Variants in TRANK1 observed in about 807,000 individuals in gnomAD.
The protein encoded by TRANK1 is tetratricopeptide repeat and ankyrin repeat containing 1.
In TRANK1, 198 loss-of-function variants were observed where a neutral mutation model predicts 266.0. That is an observed-to-expected ratio of 0.74 (90% CI 0.66 to 0.84). TRANK1 has a LOEUF of 0.84. Ranked by LOEUF, TRANK1 falls within the 40% of genes least tolerant of loss-of-function variation. The probability of loss-of-function intolerance (pLI) is 0.00; values close to 1 mark genes in which losing one functional copy is unlikely to be tolerated. For synonymous variants in TRANK1, 1,396 were observed against 1,384.1 expected, an observed-to-expected ratio of 1.01 and a Z score of -0.19; for missense variants, 3,326 against 3,634.6, an observed-to-expected ratio of 0.92 and a Z score of 2.18.
intron 4 of TRANK1, among the ~76,000 whole-genome samples, chr3:36,896,643 G>C (rs562818142): frequency 6.6e-6 from 1 of 152,198 alleles, no homozygotes; most frequent in African/African-American, 2.4e-5. Context: ...CCATCAAGAA[G>C]CAGTTGTTTG....
At chr3:36,935,717 G>C (rs1033267063) in intron 1 of TRANK1, among the ~76,000 whole-genome samples, 1 of 152,106 alleles carries the variant, frequency 6.6e-6, no homozygotes, top group Admixed American at 6.5e-5. Context: ...AAAGGGCTGG[G>C]ATTACAGGCG....
At chr3:36,896,625 A>C (rs2079794217) in intron 4 of TRANK1, among the ~76,000 whole-genome samples, 1 of 152,218 alleles carries the variant, frequency 6.6e-6, no homozygotes, top group Non-Finnish European at 1.5e-5. Flanking sequence ...GGTTATCTTA[A>C]GGGGCAGCCA....
At chr3:36,908,561 C>A in intron 1 of TRANK1, 107 bp from the exon 2 acceptor site, 4 of 1,231,146 alleles carry the variant, frequency 3.2e-6, no homozygotes, top group Non-Finnish European at 4.0e-6. Flanking sequence ...ACTATGGCCC[C>A]ACCCACCTTC....
chr3:36,865,599 C>T (rs68185107), intron 9 of TRANK1, among the ~76,000 whole-genome samples: 35,001 of 151,844 alleles, frequency 0.23, 4,655 homozygotes, highest in East Asian at 0.57. Flanking sequence ...TGGCTGGGTG[C>T]GGTGGCTCAC....
chr3:36,906,118 G>C (rs950600966), intron 2 of TRANK1, among the ~76,000 whole-genome samples: 10 of 152,162 alleles, frequency 6.6e-5, no homozygotes, highest in African/African-American at 2.4e-4. Flanking sequence ...CTTGATCGAG[G>C]ATCTCTAGAC....
At chr3:36,873,686 A>C (rs769958965) in intron 9 of TRANK1, among the ~76,000 whole-genome samples, 1 of 152,232 alleles carries the variant, frequency 6.6e-6, no homozygotes, top group Non-Finnish European at 1.5e-5. Context: ...CAAGCACTTC[A>C]TCTTTTACGT....
In TRANK1 at chr3:36,868,207, A is replaced by G. The variant is rs374518000; in HGVS notation, c.1079-3727T>C. 3.3e-5 allele frequency among the ~76,000 whole-genome samples: 5 copies of G among 152,332 alleles called. No individual in the cohort carries two copies. The East Asian group carries it at 5.8e-4, about 18-fold the overall frequency. ...TAGCTCACATTTATTTCCATGTTTAATATTAGATCTTTATTTAGAAGTCTG... is the reference window on the plus strand; with the variant it reads ...TAGCTCACATTTATTTCCATGTTTAGTATTAGATCTTTATTTAGAAGTCTG... On this transcript the variant is annotated intron_variant, in intron 9 of 23. Coordinates refer to ENST00000645898, the MANE Select transcript of TRANK1 (RefSeq NM_001329998.2).
chr3:36,858,590 C>T lies in TRANK1; in HGVS notation c.1672+128G>A, dbSNP rs2079091247. 3.5e-6 allele frequency: 4 copies of T among 1,144,052 alleles called. No homozygotes were observed. In the East Asian group the frequency reaches 1.1e-4, roughly 32 times the overall value. The allele number at this position is 1,144,052 out of a possible 1,614,324, so 70.9% of individuals were successfully genotyped here. ...TGAGGGGCCAGGTGACATGGGCAGG[C>T]CTGGCCAAGAAATGGGCCTTTTTCA... is the stretch of plus-strand genomic sequence containing the variant. On this transcript the variant is annotated intron_variant, in intron 12 of 23. Coordinates refer to ENST00000645898, the MANE Select transcript of TRANK1 (RefSeq NM_001329998.2).
At position 36,874,200 on chromosome 3, in the gene TRANK1, T is replaced by A; in HGVS notation, c.1004A>T (p.Asn335Ile). 2 of 1,537,364 alleles carry A rather than the reference T, an allele frequency of 1.3e-6. No individual in the cohort carries two copies. Among genetic ancestry groups the A allele is most frequent in the Non-Finnish European group, 1.7e-6 (2 of 1,146,906 alleles). Residue 335 changes from asparagine to isoleucine, a missense_variant, in exon 9 of 24, where the codon AAT becomes ATT. Asn to Ile is a moderately radical substitution (Grantham distance 149, BLOSUM62 -3). Coordinates refer to ENST00000645898, the MANE Select transcript of TRANK1 (RefSeq NM_001329998.2). Reference protein sequence around the residue: ...SRSVVDVLKRNKNFKAIEKIN... With the variant: ...SRSVVDVLKRIKNFKAIEKIN... ...TTTCTCGATGGCTTTGAAGTTCTTA[T>A]TCCTCTTCAGGACATCCACAACAGA...
At chr3:36,868,190 AT>A (rs775747265) in intron 9 of TRANK1, among the ~76,000 whole-genome samples, 9 of 152,224 alleles carry the variant, frequency 5.9e-5, no homozygotes, top group Non-Finnish European at 1.0e-4. Context: ...TATAGCTCAC[AT>A]TTATTTCCAT....
chr3:36,893,997 T>TA (rs1034154692), intron 5 of TRANK1, among the ~76,000 whole-genome samples: 2 of 152,108 alleles, frequency 1.3e-5, no homozygotes, highest in African/African-American at 4.8e-5. Flanking sequence ...CTTTTTGCCC[T>TA]AAACAAGCCT....
chr3:36,864,394 T>C lies in TRANK1; in HGVS notation c.1165A>G (p.Asn389Asp). The change falls in exon 10 of 24, where the codon AAC becomes GAC. Residue 389 changes from asparagine (N) to aspartate (D), a missense_variant. Asn to Asp is a conservative substitution (Grantham distance 23). Coordinates refer to ENST00000645898, the MANE Select transcript of TRANK1 (RefSeq NM_001329998.2). ...AGAAAGTTTTTATGCAATAACCGGTTTCCTGAGTTCATATACTTCACCAGC... is the reference window on the plus strand; with the variant it reads ...AGAAAGTTTTTATGCAATAACCGGTCTCCTGAGTTCATATACTTCACCAGC... ...EQLVKYMNSG[N>D]RLLHKNFLKQ... 2 of 1,537,082 alleles carry C rather than the reference T, an allele frequency of 1.3e-6. No homozygotes were observed.
chr3:36,851,163 T>G (rs2078980238), intron 15 of TRANK1: 9 of 985,616 alleles, frequency 9.1e-6, no homozygotes, highest in Middle Eastern at 5.2e-4. Context: ...GTGGGGACTC[T>G]TTGGCTGCCA....
intron 2 of TRANK1, among the ~76,000 whole-genome samples, chr3:36,905,046 T>G (rs957979634): frequency 6.6e-6 from 1 of 150,850 alleles, no homozygotes; most frequent in Non-Finnish European, 1.5e-5. Flanking sequence ...TCCCAGCACT[T>G]TAGGAGGCCG....
chr3:36,861,949 C>T (rs1015934796), intron 10 of TRANK1, among the ~76,000 whole-genome samples: 7 of 152,068 alleles, frequency 4.6e-5, no homozygotes, highest in Non-Finnish European at 8.8e-5. Context: ...TCGTGATCTG[C>T]CCACCTCAGC....
At chr3:36,883,704 G>A (rs1282844782) in intron 8 of TRANK1, among the ~76,000 whole-genome samples, 1 of 152,114 alleles carries the variant, frequency 6.6e-6, no homozygotes, top group Non-Finnish European at 1.5e-5. Flanking sequence ...AGGATGAGAC[G>A]GAAGTGACAT....
chr3:36,903,681 G>A (rs955259141), intron 2 of TRANK1, among the ~76,000 whole-genome samples: 4 of 152,164 alleles, frequency 2.6e-5, no homozygotes, highest in African/African-American at 7.2e-5. Flanking sequence ...TAGACCAAAG[G>A]GGATGCAAGA....
intron 1 of TRANK1, among the ~76,000 whole-genome samples, chr3:36,909,021 G>T (rs2080014627): frequency 6.6e-6 from 1 of 152,194 alleles, no homozygotes; most frequent in Non-Finnish European, 1.5e-5. Flanking sequence ...GGAACAGGGA[G>T]GGCAGGTGAA....
rs1186208632 is a variant in TRANK1 at position 36,838,430 on chromosome 3, C to G, written c.5459G>C (p.Cys1820Ser). The change falls in exon 20 of 24, where the codon TGT (cysteine) becomes TCT (serine). Residue 1820 changes from cysteine (C) to serine (S), a missense_variant. Cys to Ser is a moderately radical substitution (Grantham distance 112). Coordinates refer to ENST00000645898, the MANE Select transcript of TRANK1 (RefSeq NM_001329998.2). ...ECKEPTLSLK[C>S]LSYAKEFQLS... Reference sequence around the variant, plus strand: ...CTGGAACTCCTTGGCATAGCTCAGACACTTAAGGGACAGTGTTGGCTCTTT... The same window carrying G: ...CTGGAACTCCTTGGCATAGCTCAGAGACTTAAGGGACAGTGTTGGCTCTTT... 6.2e-7 allele frequency: 1 copy of G among 1,613,952 alleles called. No individual in the cohort carries two copies. The highest frequency in any genetic ancestry group is 8.5e-7 in the Non-Finnish European group (1 of 1,179,916).
Sources: gnomAD v4.1 joint callset for allele counts (sites outside exome capture counted in the v4.1 genomes callset) on GRCh38, gnomAD v4.1.1 for gene constraint, MANE v1.5 for transcripts, NCBI Gene and HGNC (gene_info 2026-07-23, HGNC 2026-07-21) for gene names.